MYOM2: variants seen among roughly 807,000 people sequenced by gnomAD.
MYOM2 encodes the protein myomesin-2.
Under a neutral mutation model 187.6 loss-of-function variants are expected in MYOM2, and 254 were observed. That is an observed-to-expected ratio of 1.35 (90% CI 1.22 to 1.50). The LOEUF is 1.50. MYOM2 is among the 40% of genes most tolerant of loss of function. MYOM2 has a pLI of 0.00. For synonymous variants in MYOM2, 981 were observed against 753.8 expected (o/e 1.30, Z -4.94); for missense variants, 2,796 against 1,924.0 (o/e 1.45, Z -8.48).
intron 6 of MYOM2, among the ~76,000 whole-genome samples, chr8:2,061,777 C>T (rs1025241262): frequency 2.6e-5 from 4 of 152,204 alleles, no homozygotes; most frequent in Admixed American, 1.3e-4. Context: ...CAGATAAATC[C>T]GGGTTTCTCT....
At chr8:2,094,226 G>A (rs1286895541) in intron 17 of MYOM2, 135 bp downstream of exon 17, 2 of 1,186,474 alleles carry the variant, frequency 1.7e-6, no homozygotes, top group South Asian at 1.6e-5. Flanking sequence ...GAGAACTTGA[G>A]TTTCTTTGAA....
intron 25 of MYOM2, among the ~76,000 whole-genome samples, chr8:2,111,200 T>C (rs7825233): frequency 0.65 from 99,630 of 152,142 alleles, 33,602 homozygotes; most frequent in African/African-American, 0.8. Flanking sequence ...TGGAATATGG[T>C]TGTACTATTT....
In MYOM2 at chr8:2,142,355, C is replaced by G; in HGVS notation, c.4002-20C>G. On this transcript the variant is annotated intron_variant, in intron 34 of 36. Transcript: ENST00000262113. ...ATACTCTCTTTTCATTCTCTCCTTT[C>G]TGTCCCCTTTAACTTTTAGAGCTGC... 6.2e-7 allele frequency: 1 copy of G among 1,612,020 alleles called. No individual in the cohort carries two copies. Among genetic ancestry groups the G allele is most frequent in the Non-Finnish European group, 8.5e-7 (1 of 1,177,990 alleles).
intron 8 of MYOM2, 47 bp downstream of exon 8, chr8:2,069,544 C>A: frequency 6.3e-7 from 1 of 1,595,368 alleles, no homozygotes; most frequent in Non-Finnish European, 8.6e-7. Flanking sequence ...TGTTTAGTGA[C>A]ATAGCAGACA....
chr8:2,114,925 A>G (rs940263829), intron 25 of MYOM2, among the ~76,000 whole-genome samples: 16 of 152,204 alleles, frequency 1.1e-4, no homozygotes, highest in African/African-American at 3.9e-4. Context: ...CAGAATTACA[A>G]GGAAGAGATG....
In MYOM2 at chr8:2,123,508, A is replaced by G. The variant is rs751700159; in HGVS notation, c.3568-47A>G. ...ATTAGAGTTTATTACGTTTTCTAAG[A>G]TTGCAGTATTGACTTTACATAAATA... On this transcript the variant is annotated intron_variant, in intron 29 of 36. Transcript: ENST00000262113. 2.2e-5 allele frequency: 34 copies of G among 1,537,700 alleles called. No individual in the cohort carries two copies. In the East Asian group the frequency reaches 7.2e-4, roughly 33 times the overall value.
At position 2,104,537 on chromosome 8, in the gene MYOM2, G is replaced by A. The variant is rs1050560311; in HGVS notation, c.2735-1705G>A. Among the ~76,000 whole-genome samples the A allele has an allele frequency of 7.9e-5, 12 of 152,078 alleles. 1 individual carries two copies. The highest frequency in any genetic ancestry group is 2.4e-4 in the African/African-American group (10 of 41,492). On this transcript the variant is annotated intron_variant, in intron 21 of 36. Coordinates refer to ENST00000262113, the MANE Select transcript of MYOM2 (RefSeq NM_003970.4). Reference sequence around the variant, plus strand: ...GGAGAATGGGGTGAACCTGGGAGGCGGAGGTTGCAGTGAGCCGAGATCGCG... The same window carrying A: ...GGAGAATGGGGTGAACCTGGGAGGCAGAGGTTGCAGTGAGCCGAGATCGCG...
At chr8:2,093,931 G>C in intron 16 of MYOM2, 39 bp from the exon 17 acceptor site, 1 of 1,596,796 alleles carries the variant, frequency 6.3e-7, no homozygotes, top group South Asian at 1.1e-5. Context: ...AGAAAAAGTG[G>C]AGCCTGGCAG....
chr8:2,109,456 G>C lies in MYOM2; in HGVS notation c.3105G>C (p.Trp1035Cys). 6.2e-7 allele frequency: 1 copy of C among 1,613,196 alleles called. No individual in the cohort carries two copies. Among genetic ancestry groups the C allele is most frequent in the East Asian group, 2.2e-5 (1 of 44,744 alleles). The change falls in exon 25 of 37, where the codon TGG becomes TGC. Residue 1035 changes from tryptophan (W) to cysteine (C), a missense_variant. By Grantham distance (215) the Trp-to-Cys change is radical. Transcript: ENST00000262113. Reference protein sequence around the residue: ...EIFDKGRVRFWLQAEHLSPDA... With the variant: ...EIFDKGRVRFCLQAEHLSPDA... ...TTGATAAGGGGCGGGTTCGCTTCTG[G>C]CTCCAGGCTGAGCACTTATCACCAG...
chr8:2,137,563 G>C (rs79404050), intron 32 of MYOM2, among the ~76,000 whole-genome samples: 3 of 127,830 alleles, frequency 2.3e-5, no homozygotes, highest in African/African-American at 1.1e-4. Context: ...GCTGTGCCTG[G>C]TTGTGTGTGT....
rs140614524 is a variant in MYOM2 at position 2,064,339 on chromosome 8, G to C, written c.654-4939G>C. On this transcript the variant is annotated intron_variant, in intron 6 of 36. Transcript: ENST00000262113. ...ATGAAACAAGGTCGAAAGAGAAAAG[G>C]TGAGACAGCGGGAACCATAAACAGA... 1.4e-3 allele frequency among the ~76,000 whole-genome samples: 213 copies of C among 152,318 alleles called. No homozygotes were observed. The Middle Eastern group carries it at 0.02, about 15-fold the overall frequency.
At position 2,078,750 on chromosome 8, in the gene MYOM2, A is replaced by C. The variant is rs1420173623; in HGVS notation, c.1279A>C (p.Asn427His). ...YFVDRCEVGT[N>H]NWVQCNDAPV... ...AACTTGAAGATGTGAAGTAGGAACG[A>C]ATAATTGGGTGCAGTGCAATGATGC... The change falls in exon 12 of 37, where the codon AAT becomes CAT. Residue 427 changes from asparagine to histidine, a missense_variant. By Grantham distance (68) the Asn-to-His change is moderately conservative. Coordinates refer to ENST00000262113, the MANE Select transcript of MYOM2 (RefSeq NM_003970.4). The C allele has an allele frequency of 6.2e-7, 1 of 1,614,162 alleles. No homozygotes were observed. The highest frequency in any genetic ancestry group is 1.3e-5 in the African/African-American group (1 of 75,024).
chr8:2,087,953 T>C (rs568272641), intron 14 of MYOM2, among the ~76,000 whole-genome samples: 74 of 152,306 alleles, frequency 4.9e-4, no homozygotes, highest in African/African-American at 1.6e-3. Context: ...TGCAAACACA[T>C]TTTTAGAGAG....
chr8:2,123,216 G>A, intron 28 of MYOM2, 36 bp from the exon 29 acceptor site: 1 of 1,360,590 alleles, frequency 7.3e-7, no homozygotes, highest in East Asian at 2.3e-5. Context: ...GAGTCAGAAT[G>A]ATTTACACAC....
intron 1 of MYOM2, among the ~76,000 whole-genome samples, chr8:2,048,308 A>G (rs752112576): frequency 2.0e-5 from 3 of 152,162 alleles, no homozygotes; most frequent in South Asian, 2.1e-4. Flanking sequence ...CCTTGGTCCA[A>G]CTTCATTTCA....
At chr8:2,128,769 G>A (rs2280900) in intron 31 of MYOM2, among the ~76,000 whole-genome samples, 17,790 of 152,136 alleles carry the variant, frequency 0.12, 1,783 homozygotes, top group African/African-American at 0.25. Flanking sequence ...GATTTTCTAC[G>A]ATAGTTCAGC....
intron 32 of MYOM2, among the ~76,000 whole-genome samples, chr8:2,139,755 T>C (rs569990397): frequency 2.0e-5 from 3 of 152,174 alleles, no homozygotes; most frequent in Non-Finnish European, 4.4e-5. Flanking sequence ...CTTCCACAGA[T>C]CTCTCAGGCT....
intron 17 of MYOM2, among the ~76,000 whole-genome samples, chr8:2,095,438 C>A (rs139759657): frequency 1.7e-4 from 26 of 152,106 alleles, no homozygotes; most frequent in African/African-American, 6.3e-4. Context: ...ACCACAGGCA[C>A]CACCACCACG....
chr8:2,102,288 A>T (rs1796735693), intron 20 of MYOM2: 2 of 176,096 alleles, frequency 1.1e-5, no homozygotes, highest in Non-Finnish European at 2.4e-5. Flanking sequence ...GATGGATTTA[A>T]TTCTGATGCC....
Sources: allele counts gnomAD v4.1 joint callset (sites outside exome capture counted in the v4.1 genomes callset), GRCh38; gene constraint gnomAD v4.1.1; transcripts MANE v1.5; gene names NCBI Gene and HGNC (gene_info 2026-07-23, HGNC 2026-07-21).